Variants in EEPD1 observed in about 807,000 individuals in gnomAD.
The protein encoded by EEPD1 is endonuclease/exonuclease/phosphatase family domain containing 1, also known as endonuclease/exonuclease/phosphatase family domain-containing protein 1.
A neutral mutation model predicts 46.3 loss-of-function variants in EEPD1; 17 were observed. The observed-to-expected ratio is 0.37, with a 90% confidence interval of 0.25 to 0.55. The LOEUF (loss-of-function observed/expected upper bound fraction) is 0.55. Ranked by LOEUF, EEPD1 falls within the 20% of genes least tolerant of loss-of-function variation. The pLI is 0.83. For missense variants in EEPD1, 673 were observed against 745.6 expected (o/e 0.90, Z 1.13); for synonymous variants, 313 against 315.6 (o/e 0.99, Z 0.09).
At chr7:36,183,524 CTG>C (rs374113472) in intron 2 of EEPD1, among the ~76,000 whole-genome samples, 159 of 152,256 alleles carry the variant, frequency 1.0e-3, no homozygotes, top group African/African-American at 3.7e-3. Context: ...AGCTTCACAC[CTG>C]ATGGGAGAAC....
At chr7:36,276,757 C>A (rs1453048928) in intron 3 of EEPD1, among the ~76,000 whole-genome samples, 2 of 152,206 alleles carry the variant, frequency 1.3e-5, no homozygotes, top group Non-Finnish European at 2.9e-5. Context: ...TTGGCCAGAA[C>A]CTCAAAGAAC....
chr7:36,211,402 TAG>T (rs753018875), intron 2 of EEPD1, among the ~76,000 whole-genome samples: 17 of 152,044 alleles, frequency 1.1e-4, no homozygotes, highest in Non-Finnish European at 1.9e-4. Context: ...CACAAATTAG[TAG>T]GGAGACAAGA....
At chr7:36,156,695 G>T (rs1183066445) in intron 2 of EEPD1, among the ~76,000 whole-genome samples, 1 of 152,132 alleles carries the variant, frequency 6.6e-6, no homozygotes, top group African/African-American at 2.4e-5. Flanking sequence ...TTATGTCAGT[G>T]GTTTCTAAAG....
At chr7:36,289,232 AAT>A (rs1787388583) in intron 6 of EEPD1, among the ~76,000 whole-genome samples, 1 of 152,206 alleles carries the variant, frequency 6.6e-6, no homozygotes, top group Non-Finnish European at 1.5e-5. Context: ...CAGTGCTACT[AAT>A]GTATTGACAT....
intron 3 of EEPD1, among the ~76,000 whole-genome samples, chr7:36,243,966 G>A (rs887162189): frequency 1.3e-5 from 2 of 151,046 alleles, no homozygotes; most frequent in African/African-American, 2.4e-5. Flanking sequence ...GTTAATGGGT[G>A]CAGCACACCA....
rs1380033942 is a variant in EEPD1 at position 36,172,459 on chromosome 7, T to A, written c.878+17257T>A. Among the ~76,000 whole-genome samples, 3 of 152,172 alleles carry A rather than the reference T, an allele frequency of 2.0e-5. No individual in the cohort carries two copies. The South Asian group carries it at 6.2e-4, about 32-fold the overall frequency. On this transcript the variant is annotated intron_variant, in intron 2 of 7. Coordinates refer to ENST00000242108, the MANE Select transcript of EEPD1 (RefSeq NM_030636.3). ...GGAGGGCATGGAAGCTCTGTGCCCCTTCTGCCGTACCTTGCCCTATGCATC... is the reference window on the plus strand; with the variant it reads ...GGAGGGCATGGAAGCTCTGTGCCCCATCTGCCGTACCTTGCCCTATGCATC...
At chr7:36,275,604 G>A (rs1308805290) in intron 3 of EEPD1, among the ~76,000 whole-genome samples, 1 of 151,976 alleles carries the variant, frequency 6.6e-6, no homozygotes, top group African/African-American at 2.4e-5. Context: ...GCGCCACCAC[G>A]CCTGGTGTGT....
At chr7:36,191,649 C>T (rs1452047545) in intron 2 of EEPD1, among the ~76,000 whole-genome samples, 4 of 152,216 alleles carry the variant, frequency 2.6e-5, no homozygotes, top group African/African-American at 9.7e-5. Context: ...AAGGCTCAGA[C>T]TGGGAATGAT....
intron 3 of EEPD1, among the ~76,000 whole-genome samples, chr7:36,247,895 T>C (rs1474469133): frequency 6.6e-6 from 1 of 152,194 alleles, no homozygotes; most frequent in African/African-American, 2.4e-5. Flanking sequence ...GTGTGACTTG[T>C]AGCAAAACAG....
chr7:36,249,362 T>C (rs77037962), intron 3 of EEPD1, among the ~76,000 whole-genome samples: 7 of 152,278 alleles, frequency 4.6e-5, no homozygotes, highest in African/African-American at 1.7e-4. Context: ...GGCAGAGCAT[T>C]TCATTAGTGT....
intron 2 of EEPD1, among the ~76,000 whole-genome samples, chr7:36,227,550 A>G (rs1786250370): frequency 6.6e-6 from 1 of 152,214 alleles, no homozygotes; most frequent in Admixed American, 6.5e-5. Flanking sequence ...AGAGGAGGAA[A>G]GTAAGCATGG....
intron 6 of EEPD1, among the ~76,000 whole-genome samples, chr7:36,288,805 G>A (rs961008578): frequency 1.3e-5 from 2 of 151,516 alleles, no homozygotes; most frequent in African/African-American, 4.8e-5. Context: ...GACAAAGGGG[G>A]GCTATGCCCC....
chr7:36,213,646 G>C (rs2115730530), intron 2 of EEPD1, among the ~76,000 whole-genome samples: 1 of 152,272 alleles, frequency 6.6e-6, no homozygotes, highest in Non-Finnish European at 1.5e-5. Context: ...CGTCAGGCCA[G>C]CTCTAACTCC....
chr7:36,212,660 A>C (rs906025565), intron 2 of EEPD1, among the ~76,000 whole-genome samples: 1 of 149,982 alleles, frequency 6.7e-6, no homozygotes, highest in African/African-American at 2.4e-5. Flanking sequence ...GGTGAGTACT[A>C]GGGGGCCACT....
intron 2 of EEPD1, among the ~76,000 whole-genome samples, chr7:36,205,945 T>A (rs1785808700): frequency 6.6e-6 from 1 of 152,088 alleles, no homozygotes; most frequent in African/African-American, 2.4e-5. Context: ...CCAAGTACAA[T>A]GAGCTCAGGC....
chr7:36,160,609 AC>A (rs1784886644), intron 2 of EEPD1, among the ~76,000 whole-genome samples: 1 of 148,748 alleles, frequency 6.7e-6, no homozygotes, highest in African/African-American at 2.4e-5. Context: ...GGAGGAGGCC[AC>A]AGAAGGTTAG....
chr7:36,199,985 T>C (rs1345982652), intron 2 of EEPD1, among the ~76,000 whole-genome samples: 1 of 152,190 alleles, frequency 6.6e-6, no homozygotes, highest in Non-Finnish European at 1.5e-5. Flanking sequence ...TTTTAACTTT[T>C]ATTTTAGGTT....
At chr7:36,156,527 G>A (rs1408179877) in intron 2 of EEPD1, among the ~76,000 whole-genome samples, 1 of 152,136 alleles carries the variant, frequency 6.6e-6, no homozygotes, top group Non-Finnish European at 1.5e-5. Context: ...TAGCAGCATG[G>A]GCGTGTGAAT....
intron 3 of EEPD1, among the ~76,000 whole-genome samples, chr7:36,264,861 G>A (rs1174137623): frequency 6.6e-6 from 1 of 151,496 alleles, no homozygotes; most frequent in Non-Finnish European, 1.5e-5. Flanking sequence ...ATTCTCCAAA[G>A]TGAGAATGCT....
Sources: gnomAD v4.1 joint callset for allele counts (sites outside exome capture counted in the v4.1 genomes callset) on GRCh38, gnomAD v4.1.1 for gene constraint, MANE v1.5 for transcripts, NCBI Gene and HGNC (gene_info 2026-07-23, HGNC 2026-07-21) for gene names.